Variants in CHD7 observed in about 807,000 individuals in gnomAD.
CHD7 encodes the protein chromodomain helicase DNA binding protein 7.
In CHD7, 24 loss-of-function variants were observed where a neutral mutation model predicts 307.3. That is an observed-to-expected ratio of 0.08 (90% CI 0.06 to 0.11). CHD7 has a LOEUF of 0.11. Ranked by LOEUF, CHD7 falls within the 10% of genes least tolerant of loss-of-function variation. The pLI is 1.00. For missense variants in CHD7, 3,106 were observed against 3,727.1 expected (o/e 0.83, Z 4.34); for synonymous variants, 1,363 against 1,349.9 (o/e 1.01, Z -0.21).
intron 1 of CHD7, among the ~76,000 whole-genome samples, chr8:60,693,156 T>A (rs1322965034): frequency 6.6e-6 from 1 of 152,164 alleles, no homozygotes; most frequent in East Asian, 1.9e-4. Flanking sequence ...GTTGGCATCT[T>A]TGTTCCCTCC....
intron 1 of CHD7, among the ~76,000 whole-genome samples, chr8:60,686,846 C>T (rs996521766): frequency 6.6e-6 from 1 of 152,186 alleles, no homozygotes; most frequent in Non-Finnish European, 1.5e-5. Flanking sequence ...CTTTCTAGTT[C>T]TGCAGCAAGT....
chr8:60,755,084 G>A (rs1407551345), intron 2 of CHD7, among the ~76,000 whole-genome samples: 4 of 152,114 alleles, frequency 2.6e-5, no homozygotes, highest in Non-Finnish European at 5.9e-5. Context: ...TGTGAACTCA[G>A]TTGATTTATG....
intron 1 of CHD7, among the ~76,000 whole-genome samples, chr8:60,699,830 T>C (rs1806670076): frequency 2.0e-5 from 2 of 97,998 alleles, no homozygotes; most frequent in Admixed American, 2.3e-4. Context: ...CTTGATATTA[T>C]TTCTTTTTTT....
rs1005124704 is a variant in CHD7 at position 60,710,480 on chromosome 8, T to A, written c.-174-30779T>A. ...ACCATCTGTATCAAAGTTGGTAAATTGCCTTTCTAACGTGCAATTGATTTC... is the reference window on the plus strand; with the variant it reads ...ACCATCTGTATCAAAGTTGGTAAATAGCCTTTCTAACGTGCAATTGATTTC... On this transcript the variant is annotated intron_variant, in intron 1 of 37. Coordinates refer to ENST00000423902, the MANE Select transcript of CHD7 (RefSeq NM_017780.4). Among the ~76,000 whole-genome samples, 3 of 152,198 alleles carry A rather than the reference T, an allele frequency of 2.0e-5. No homozygotes were observed. The East Asian group carries it at 5.8e-4, about 29-fold the overall frequency.
chr8:60,688,659 T>G (rs1806038028), intron 1 of CHD7, among the ~76,000 whole-genome samples: 1 of 152,202 alleles, frequency 6.6e-6, no homozygotes. Flanking sequence ...GCTTATCTCT[T>G]GTCCTGAAGA....
At chr8:60,704,633 G>C (rs1009045772) in intron 1 of CHD7, among the ~76,000 whole-genome samples, 24 of 151,120 alleles carry the variant, frequency 1.6e-4, no homozygotes, top group Non-Finnish European at 3.2e-4. Context: ...ATCTAGTGTG[G>C]TGTGGTCCGG....
At chr8:60,850,028 A>C (rs1805382829) in intron 25 of CHD7, among the ~76,000 whole-genome samples, 1 of 152,154 alleles carries the variant, frequency 6.6e-6, no homozygotes, top group African/African-American at 2.4e-5. Flanking sequence ...AAACCTAATA[A>C]GACAGGTTCG....
intron 4 of CHD7, 89 bp downstream of exon 4, chr8:60,795,216 T>C (rs1811964386): frequency 8.1e-7 from 1 of 1,228,138 alleles, no homozygotes; most frequent in East Asian, 2.3e-5. Context: ...TCCCCTATCT[T>C]GTTATAGAGA....
At chr8:60,715,110 T>C (rs894313263) in intron 1 of CHD7, among the ~76,000 whole-genome samples, 4 of 152,250 alleles carry the variant, frequency 2.6e-5, no homozygotes, top group Admixed American at 6.5e-5. Context: ...ATTAGAGTTT[T>C]ATAGCTGATG....
chr8:60,725,202 T>TG (rs1808106155), intron 1 of CHD7, among the ~76,000 whole-genome samples: 1 of 152,140 alleles, frequency 6.6e-6, no homozygotes. Context: ...TTCAGATGTG[T>TG]GGAAATGCAC....
At position 60,742,933 on chromosome 8, in the gene CHD7, C is replaced by T. The variant is rs969768020; in HGVS notation, c.1501C>T (p.His501Tyr). 6.8e-6 allele frequency: 11 copies of T among 1,613,206 alleles called. No individual in the cohort carries two copies. Among genetic ancestry groups the T allele is most frequent in the African/African-American group, 6.7e-5 (5 of 74,912 alleles). ...IQERLIPGQQHPGQQPSFQQL... is the reference protein window; with the variant it reads ...IQERLIPGQQYPGQQPSFQQL... ...GGAACGACTGATACCTGGCCAACAA[C>T]ATCCTGGTCAACAGCCATCTTTTCA... The change falls in exon 2 of 38, where the codon CAT becomes TAT. Residue 501 changes from histidine to tyrosine, a missense_variant. Transcript: ENST00000423902.
chr8:60,736,436 A>G (rs542638890), intron 1 of CHD7, among the ~76,000 whole-genome samples: 11 of 152,138 alleles, frequency 7.2e-5, no homozygotes, highest in Non-Finnish European at 1.5e-4. Flanking sequence ...GCCTCTCTTG[A>G]TATGTTTTGC....
In CHD7 at chr8:60,758,586, C is replaced by T. The variant is rs184779680; in HGVS notation, c.1665+15489C>T. Among the ~76,000 whole-genome samples the T allele has an allele frequency of 3.9e-5, 6 of 152,280 alleles. 1 individual carries two copies. The highest frequency in any genetic ancestry group is 2.6e-4 in the Admixed American group (4 of 15,296). The stretch of plus-strand genomic sequence containing the variant: ...GTAAATAAACACCATGAGTTACTTT[C>T]GTTGAAGTGATTGGCTCACTTTATT... On this transcript the variant is annotated intron_variant, in intron 2 of 37. Transcript: ENST00000423902.
intron 1 of CHD7, among the ~76,000 whole-genome samples, chr8:60,732,064 C>A (rs144614915): frequency 5.9e-5 from 9 of 152,214 alleles, no homozygotes; most frequent in African/African-American, 2.2e-4. Context: ...TAGACAAATT[C>A]TTTTCAGTTG....
chr8:60,754,615 TA>T (rs1319544727), intron 2 of CHD7, among the ~76,000 whole-genome samples: 1 of 152,188 alleles, frequency 6.6e-6, no homozygotes, highest in Non-Finnish European at 1.5e-5. Flanking sequence ...TAATGTTTTG[TA>T]GGGGGGAGCA....
At chr8:60,688,820 G>T (rs1806050523) in intron 1 of CHD7, among the ~76,000 whole-genome samples, 1 of 152,186 alleles carries the variant, frequency 6.6e-6, no homozygotes, top group Admixed American at 6.5e-5. Flanking sequence ...GGATATTACG[G>T]TTTTCTGATT....
At chr8:60,835,454 C>T (rs1253768056) in intron 15 of CHD7, among the ~76,000 whole-genome samples, 3 of 152,138 alleles carry the variant, frequency 2.0e-5, no homozygotes, top group African/African-American at 7.2e-5. Context: ...GAAAAATTAC[C>T]AGATGGGAAT....
At chr8:60,846,570 C>G (rs2150796489) in intron 23 of CHD7, among the ~76,000 whole-genome samples, 1 of 152,316 alleles carries the variant, frequency 6.6e-6, no homozygotes, top group Non-Finnish European at 1.5e-5. Flanking sequence ...TATTCAGCCT[C>G]TTGAGGACTC....
rs753821372 is a variant in CHD7, at chr8:60,856,224, CT to C, written c.7164+23del. On this transcript the variant is annotated intron_variant, in intron 33 of 37. Transcript: ENST00000423902. ...AAAGGTGAATTAGAATGGCTTGTTT[CT>C]GCAGCTTAAAAGGGAGCTCTCTAAG... 37 of 1,530,520 alleles carry C rather than the reference CT, an allele frequency of 2.4e-5. 2 individuals carry two copies. The South Asian group carries it at 4.5e-4, about 18-fold the overall frequency. 94.8% of individuals were successfully genotyped at this position (1,530,520 alleles called of 1,614,324 possible).
Sources: gnomAD v4.1 joint callset for allele counts (sites outside exome capture counted in the v4.1 genomes callset) on GRCh38, gnomAD v4.1.1 for gene constraint, MANE v1.5 for transcripts, NCBI Gene and HGNC (gene_info 2026-07-23, HGNC 2026-07-21) for gene names.